PRUNE2: variants seen among roughly 807,000 people sequenced by gnomAD.
The protein encoded by PRUNE2 is protein prune homolog 2.
PRUNE2 carries 164 observed loss-of-function variants against 252.0 expected under a neutral mutation model. The observed-to-expected ratio is 0.65, with a 90% CI of 0.57 to 0.74. PRUNE2 has a LOEUF of 0.74. Among genes scored for constraint, PRUNE2 ranks in the 30% least tolerant of loss-of-function variants. The pLI is 0.00. For missense variants in PRUNE2, 3,495 were observed against 3,711.0 expected, an observed-to-expected ratio of 0.94 and a Z score of 1.51; for synonymous variants, 1,292 against 1,350.2, an observed-to-expected ratio of 0.96 and a Z score of 0.94.
intron 6 of PRUNE2, among the ~76,000 whole-genome samples, chr9:76,740,808 G>A (rs745916807): frequency 6.6e-4 from 101 of 152,330 alleles, no homozygotes; most frequent in East Asian, 1.3e-3. Context: ...TCTGTTGGCT[G>A]ATTGAAGTTA....
At chr9:76,802,759 C>CA (rs141677250) in intron 6 of PRUNE2, among the ~76,000 whole-genome samples, 23,275 of 150,662 alleles carry the variant, frequency 0.15, 1,823 homozygotes, top group East Asian at 0.27. Context: ...AATTTGTCTA[C>CA]AAAAAAAAAG....
Position 76,848,738 on chromosome 9 carries a change from G to A in PRUNE2, c.344+1725C>T, listed in dbSNP as rs1350630046. Among the ~76,000 whole-genome samples, 3 of 152,320 alleles carry A rather than the reference G, an allele frequency of 2.0e-5. No individual in the cohort carries two copies. In the East Asian group the frequency reaches 5.8e-4, roughly 29 times the overall value. On this transcript the variant is annotated intron_variant, in intron 3 of 18. Coordinates refer to ENST00000376718, the MANE Select transcript of PRUNE2 (RefSeq NM_015225.3). ...AAAAGGACATCTTCATAAAGTCTTT[G>A]ATGGCAGAGAATTTGTCTTATTCCT...
At chr9:76,622,301 A>C (rs1356761618) in intron 17 of PRUNE2, among the ~76,000 whole-genome samples, 4 of 152,136 alleles carry the variant, frequency 2.6e-5, no homozygotes, top group African/African-American at 7.2e-5. Context: ...GAAGAGAACA[A>C]AATAGTGGAT....
intron 6 of PRUNE2, among the ~76,000 whole-genome samples, chr9:76,731,219 G>A (rs1420879718): frequency 6.6e-6 from 1 of 151,132 alleles, no homozygotes; most frequent in African/African-American, 2.4e-5. Context: ...TTATTATATG[G>A]GGGAAAATCA....
intron 9 of PRUNE2, among the ~76,000 whole-genome samples, chr9:76,698,051 A>AT (rs33999796): frequency 0.016 from 2,293 of 146,874 alleles, 36 homozygotes; most frequent in East Asian, 0.083. Context: ...AATGTAAAGG[A>AT]TTTTTTTTTT....
chr9:76,857,167 T>C (rs1221577689), intron 1 of PRUNE2: 1 of 455,726 alleles, frequency 2.2e-6, no homozygotes, highest in Non-Finnish European at 4.4e-6. Context: ...ATATTTGCCA[T>C]CCCCAGCGCA....
In PRUNE2 at chr9:76,706,234, C is replaced by T; in HGVS notation, c.6040G>A (p.Ala2014Thr). 6.2e-7 allele frequency: 1 copy of T among 1,613,964 alleles called. No homozygotes were observed. Among genetic ancestry groups the T allele is most frequent in the South Asian group, 1.1e-5 (1 of 91,078 alleles). The part of the protein sequence containing the change: ...YLGEMTNSSI[A>T]TENFPAVSSP... ...CTGACAGCAGGAAAATTTTCTGTGG[C>T]AATGCTTGAATTTGTCATCTCACCT... The change falls in exon 8 of 19, where the codon GCC becomes ACC. Residue 2014 changes from alanine (A) to threonine (T), a missense_variant. Ala to Thr is a moderately conservative substitution (Grantham distance 58). Transcript: ENST00000376718.
In PRUNE2 at chr9:76,693,439, C is replaced by CTTTTTTTTTTTTT. The variant is rs550030416; in HGVS notation, c.8276+9885_8276+9897dup. 2.2e-4 allele frequency among the ~76,000 whole-genome samples: 24 copies of CTTTTTTTTTTTTT among 108,062 alleles called. 1 individual carries two copies. Among genetic ancestry groups the CTTTTTTTTTTTTT allele is most frequent in the East Asian group, 7.1e-4 (2 of 2,814 alleles). The allele number at this position is 108,062 out of a possible 152,430, so 70.9% of individuals were successfully genotyped here. Reference sequence around the variant, plus strand: ...TGCTTAAGAGATGTTAGCACCTACTCTTTTTTTTTTTTTTTTTTTTTGGAG... The same window carrying CTTTTTTTTTTTTT: ...TGCTTAAGAGATGTTAGCACCTACTCTTTTTTTTTTTTTTTTTTTTTTTTTTTTTTTTTTGGAG... On this transcript the variant is annotated intron_variant, in intron 9 of 18. Coordinates refer to ENST00000376718, the MANE Select transcript of PRUNE2 (RefSeq NM_015225.3).
intron 6 of PRUNE2, among the ~76,000 whole-genome samples, chr9:76,752,103 T>TC (rs1255357847): frequency 6.6e-5 from 5 of 75,514 alleles, no homozygotes; most frequent in Admixed American, 4.5e-4. Flanking sequence ...TTTGGTTTTT[T>TC]TTTTTTTTTT....
At chr9:76,792,595 A>G (rs1404724809) in intron 6 of PRUNE2, among the ~76,000 whole-genome samples, 2 of 152,360 alleles carry the variant, frequency 1.3e-5, no homozygotes, top group East Asian at 3.9e-4. Flanking sequence ...CATTATTCAA[A>G]AAATAAATAA....
At chr9:76,764,812 A>G (rs922849196) in intron 6 of PRUNE2, among the ~76,000 whole-genome samples, 4 of 152,166 alleles carry the variant, frequency 2.6e-5, no homozygotes, top group Admixed American at 2.6e-4. Context: ...CTTGGCTTCC[A>G]TGATCCTTCT....
chr9:76,684,897 G>C (rs1028187951), intron 9 of PRUNE2, among the ~76,000 whole-genome samples: 5 of 152,172 alleles, frequency 3.3e-5, no homozygotes. Flanking sequence ...GATTACAGGA[G>C]TGCACCACCA....
At chr9:76,792,518 C>T (rs1046384478) in intron 6 of PRUNE2, among the ~76,000 whole-genome samples, 5 of 152,242 alleles carry the variant, frequency 3.3e-5, no homozygotes, top group Non-Finnish European at 5.9e-5. Context: ...TCTCCACATG[C>T]CCCCCAGGTG....
At chr9:76,744,235 T>C (rs1222955174) in intron 6 of PRUNE2, among the ~76,000 whole-genome samples, 1 of 152,216 alleles carries the variant, frequency 6.6e-6, no homozygotes, top group Non-Finnish European at 1.5e-5. Flanking sequence ...AATACTCTTG[T>C]AAGATTTAAA....
chr9:76,668,339 T>C (rs1416626189), intron 9 of PRUNE2, among the ~76,000 whole-genome samples: 2 of 152,240 alleles, frequency 1.3e-5, no homozygotes, highest in African/African-American at 4.8e-5. Flanking sequence ...TCTCTGATTT[T>C]CCCAACTGTG....
At chr9:76,750,888 A>G (rs2050552806) in intron 6 of PRUNE2, among the ~76,000 whole-genome samples, 1 of 152,188 alleles carries the variant, frequency 6.6e-6, no homozygotes, top group Non-Finnish European at 1.5e-5. Context: ...ATGCAAACCT[A>G]AAGGATCGTT....
intron 17 of PRUNE2, among the ~76,000 whole-genome samples, chr9:76,622,954 T>G (rs1833018070): frequency 6.6e-6 from 1 of 152,168 alleles, no homozygotes; most frequent in Non-Finnish European, 1.5e-5. Context: ...AAGCAAATAA[T>G]CCTATAGGTT....
intron 6 of PRUNE2, among the ~76,000 whole-genome samples, chr9:76,774,049 T>C (rs981007191): frequency 6.6e-6 from 1 of 152,242 alleles, no homozygotes; most frequent in African/African-American, 2.4e-5. Flanking sequence ...AATTGGGTCA[T>C]TTCAAATAAT....
At chr9:76,720,893 CA>C (rs2047583900) in intron 6 of PRUNE2, among the ~76,000 whole-genome samples, 4 of 152,174 alleles carry the variant, frequency 2.6e-5, no homozygotes, top group African/African-American at 9.6e-5. Context: ...GCGGGCGGAT[CA>C]CAAGATCAGG....
Sources: gnomAD v4.1 joint callset for allele counts (sites outside exome capture counted in the v4.1 genomes callset) on GRCh38, gnomAD v4.1.1 for gene constraint, MANE v1.5 for transcripts, NCBI Gene and HGNC (gene_info 2026-07-23, HGNC 2026-07-21) for gene names.